EYS: variants seen among roughly 807,000 people sequenced by gnomAD.
EYS encodes the protein EGF-like photoreceptor maintenance factor, also known as protein eyes shut homolog.
A neutral mutation model predicts 282.1 loss-of-function variants in EYS; 250 were observed. The observed-to-expected ratio is 0.89, with a 90% CI of 0.80 to 0.98. The LOEUF (loss-of-function observed/expected upper bound fraction) is 0.98. Among genes scored for constraint, EYS ranks in the 50% least tolerant of loss-of-function variants. EYS has a pLI of 0.00. For missense variants in EYS, 4,016 were observed against 3,709.0 expected (o/e 1.08, Z -2.15); for synonymous variants, 1,355 against 1,282.9 (o/e 1.06, Z -1.20).
chr6:64,629,689 A>G (rs1767719163), intron 22 of EYS, among the ~76,000 whole-genome samples: 1 of 152,100 alleles, frequency 6.6e-6, no homozygotes. Flanking sequence ...TCCAGTGTTC[A>G]TTACTAGAAA....
chr6:64,853,992 T>G (rs982712168), intron 19 of EYS, among the ~76,000 whole-genome samples: 1 of 151,772 alleles, frequency 6.6e-6, no homozygotes, highest in African/African-American at 2.4e-5. Flanking sequence ...AACAGACACA[T>G]GAAAAAATGC....
At chr6:63,831,848 G>GA (rs754809222) in intron 36 of EYS, among the ~76,000 whole-genome samples, 9 of 152,122 alleles carry the variant, frequency 5.9e-5, no homozygotes, top group African/African-American at 9.7e-5. Flanking sequence ...TAAAAGAGCA[G>GA]AAATTACAAA....
rs1295189752 is a variant in EYS, at chr6:63,762,614, A to G, written c.7918T>C (p.Trp2640Arg). The G allele has an allele frequency of 6.5e-7, 1 of 1,549,818 alleles. No individual in the cohort carries two copies. The highest frequency in any genetic ancestry group is 1.2e-5 in the South Asian group (1 of 83,866). ...TSVYCNCTTG[W>R]KGSFCTETVS... ...GTCTCTGTGCAGAATGATCCTTTCCACCCAGTGGTACAATTGCAGCTGTGG... is the reference window on the plus strand; with the variant it reads ...GTCTCTGTGCAGAATGATCCTTTCCGCCCAGTGGTACAATTGCAGCTGTGG... The change falls in exon 41 of 43, where the codon TGG (tryptophan) becomes CGG (arginine). Residue 2640 changes from tryptophan to arginine, a missense_variant. Trp to Arg is a moderately radical substitution (Grantham distance 101). Transcript: ENST00000503581.
At chr6:63,860,863 G>A (rs1316754828) in intron 36 of EYS, among the ~76,000 whole-genome samples, 1 of 151,952 alleles carries the variant, frequency 6.6e-6, no homozygotes, top group East Asian at 1.9e-4. Flanking sequence ...TCTAAATATT[G>A]GCATTGTGGA....
chr6:64,662,792 T>C (rs1387519678), intron 22 of EYS, among the ~76,000 whole-genome samples: 1 of 152,208 alleles, frequency 6.6e-6, no homozygotes, highest in African/African-American at 2.4e-5. Context: ...GATTGTGTTT[T>C]AATAAGGTTA....
At chr6:64,024,763 G>T (rs979623278) in intron 33 of EYS, among the ~76,000 whole-genome samples, 1 of 152,050 alleles carries the variant, frequency 6.6e-6, no homozygotes. Flanking sequence ...AAGGTCCGCA[G>T]CTTCACTCCT....
Position 64,123,132 on chromosome 6 carries a change from A to C in EYS, c.6425-41130T>G, listed in dbSNP as rs896544380. Among the ~76,000 whole-genome samples the C allele has an allele frequency of 5.9e-5, 9 of 152,224 alleles. No homozygotes were observed. The East Asian group carries it at 7.7e-4, about 13-fold the overall frequency. On this transcript the variant is annotated intron_variant, in intron 31 of 42. Coordinates refer to ENST00000503581, the MANE Select transcript of EYS (RefSeq NM_001142800.2). ...AGATATCTGAGCTCTGATGCAAACC[A>C]GCATCGTTTCTTGCCAAGATTTTTG...
At chr6:64,068,398 A>G (rs377283495) in intron 32 of EYS, among the ~76,000 whole-genome samples, 4 of 151,426 alleles carry the variant, frequency 2.6e-5, no homozygotes, top group Admixed American at 6.6e-5. Context: ...TGACTTGCCA[A>G]TCTCAAGGGT....
intron 1 of EYS, among the ~76,000 whole-genome samples, chr6:65,666,993 C>A (rs1367407238): frequency 6.6e-6 from 1 of 151,106 alleles, no homozygotes; most frequent in Non-Finnish European, 1.5e-5. Context: ...AACTTAAATT[C>A]CATCAATACA....
At chr6:64,713,986 T>A (rs1246306947) in intron 22 of EYS, among the ~76,000 whole-genome samples, 1 of 152,218 alleles carries the variant, frequency 6.6e-6, no homozygotes, top group Admixed American at 6.5e-5. Context: ...CACAAAGCTA[T>A]ATATTTTCAG....
At chr6:63,931,317 C>A (rs1403841462) in intron 35 of EYS, among the ~76,000 whole-genome samples, 2 of 152,178 alleles carry the variant, frequency 1.3e-5, no homozygotes, top group Non-Finnish European at 2.9e-5. Flanking sequence ...CACTCACTCA[C>A]TCACTTCTCT....
At chr6:64,825,143 C>T (rs1386345497) in intron 19 of EYS, among the ~76,000 whole-genome samples, 1 of 151,844 alleles carries the variant, frequency 6.6e-6, no homozygotes, top group African/African-American at 2.4e-5. Context: ...CTTTTATTCC[C>T]TTTCTAAAAA....
chr6:64,293,399 T>A (rs537183211), intron 30 of EYS, among the ~76,000 whole-genome samples: 81 of 152,212 alleles, frequency 5.3e-4, no homozygotes, highest in Non-Finnish European at 9.3e-4. Flanking sequence ...TGGGGGTGGA[T>A]AAAAGTGGAA....
intron 14 of EYS, among the ~76,000 whole-genome samples, chr6:64,994,377 T>C (rs1771177374): frequency 6.6e-6 from 1 of 152,074 alleles, no homozygotes; most frequent in Non-Finnish European, 1.5e-5. Flanking sequence ...AAGAAAATGC[T>C]GTAAATATAA....
intron 26 of EYS, among the ~76,000 whole-genome samples, chr6:64,529,131 T>C (rs1018495446): frequency 2.6e-5 from 4 of 152,018 alleles, no homozygotes; most frequent in Non-Finnish European, 5.9e-5. Flanking sequence ...GGATTAAATC[T>C]GACATGCTTT....
intron 14 of EYS, among the ~76,000 whole-genome samples, chr6:64,995,006 A>ACC (rs576175594): frequency 7.9e-5 from 12 of 152,198 alleles, no homozygotes; most frequent in African/African-American, 2.9e-4. Flanking sequence ...GATACCTGAG[A>ACC]CCTCGAGCTG....
chr6:64,440,948 G>T (rs537798237), intron 26 of EYS, among the ~76,000 whole-genome samples: 1 of 152,202 alleles, frequency 6.6e-6, no homozygotes, highest in South Asian at 2.1e-4. Flanking sequence ...AGAAGGATAA[G>T]ACATCTGTTT....
intron 26 of EYS, among the ~76,000 whole-genome samples, chr6:64,541,778 G>A (rs1764701438): frequency 6.6e-6 from 1 of 152,108 alleles, no homozygotes; most frequent in African/African-American, 2.4e-5. Context: ...GATTAAAAAT[G>A]CCTGCATTTC....
intron 42 of EYS, among the ~76,000 whole-genome samples, chr6:63,724,493 C>A (rs1561995792): frequency 6.6e-6 from 1 of 151,978 alleles, no homozygotes; most frequent in African/African-American, 2.4e-5. Context: ...TTTTTATACA[C>A]GTTGGGAGGA....
Sources: allele counts gnomAD v4.1 joint callset (sites outside exome capture counted in the v4.1 genomes callset), GRCh38; gene constraint gnomAD v4.1.1; transcripts MANE v1.5; gene names NCBI Gene and HGNC (gene_info 2026-07-23, HGNC 2026-07-21).